The following CDH13 variants were observed in gnomAD, a reference collection of about 807,000 sequenced individuals.
CDH13 encodes the protein cadherin 13.
CDH13 carries 24 observed loss-of-function variants against 63.8 expected under a neutral mutation model. The ratio of observed to expected loss-of-function variants is 0.38; its 90% CI spans 0.27 to 0.53. The LOEUF (loss-of-function observed/expected upper bound fraction) is 0.53. Ranked by LOEUF, CDH13 falls within the 20% of genes least tolerant of loss-of-function variation. CDH13 has a pLI of 0.85. For synonymous variants in CDH13, 503 were observed against 355.3 expected, an observed-to-expected ratio of 1.42 and a Z score of -4.67; for missense variants, 1,049 against 903.1, an observed-to-expected ratio of 1.16 and a Z score of -2.07.
chr16:83,500,350 C>T lies in CDH13; in HGVS notation c.960+13695C>T, dbSNP rs866292148. ...TCCTCCTCCTCCTCCTCCTCCTCCT[C>T]CTCCTTCTTCCTTCTTCCTTCTTCT... On this transcript the variant is annotated intron_variant, in intron 7 of 13. Coordinates refer to ENST00000567109, the MANE Select transcript of CDH13 (RefSeq NM_001257.5). 1.2e-3 allele frequency among the ~76,000 whole-genome samples: 2 copies of T among 1,714 alleles called. 1 individual carries two copies. Among genetic ancestry groups the T allele is most frequent in the South Asian group, 1 (2 of 2 alleles). 1.1% of individuals were successfully genotyped at this position (1,714 alleles called of 152,430 possible). A position where few individuals can be genotyped will look rare whatever the true frequency, so the allele number is the denominator to read the frequency against.
chr16:83,248,674 A>G (rs576156123), intron 5 of CDH13, among the ~76,000 whole-genome samples: 1 of 152,002 alleles, frequency 6.6e-6, no homozygotes, highest in African/African-American at 2.4e-5. Context: ...CTTCTCTTTC[A>G]TGAACTTCTC....
At chr16:83,402,037 TC>T (rs1322746164) in intron 6 of CDH13, among the ~76,000 whole-genome samples, 1 of 151,230 alleles carries the variant, frequency 6.6e-6, no homozygotes, top group Non-Finnish European at 1.5e-5. Flanking sequence ...GATGTTGCTA[TC>T]TTTTTTCTTT....
chr16:82,897,339 C>T (rs1203044171), intron 2 of CDH13, among the ~76,000 whole-genome samples: 1 of 151,786 alleles, frequency 6.6e-6, no homozygotes, highest in African/African-American at 2.4e-5. Flanking sequence ...TTTCCATGGC[C>T]ACCACAGAGA....
intron 7 of CDH13, among the ~76,000 whole-genome samples, chr16:83,521,354 A>G (rs2074831741): frequency 6.6e-6 from 1 of 152,188 alleles, no homozygotes; most frequent in South Asian, 2.1e-4. Context: ...GGAAAAAAAA[A>G]AAGAATGGAA....
intron 8 of CDH13, among the ~76,000 whole-genome samples, chr16:83,603,311 A>C (rs1908023238): frequency 6.6e-6 from 1 of 152,354 alleles, no homozygotes; most frequent in East Asian, 1.9e-4. Context: ...CTTACTGACC[A>C]AGTGAAGAAT....
At chr16:83,533,443 G>T (rs2075123798) in intron 7 of CDH13, among the ~76,000 whole-genome samples, 1 of 151,978 alleles carries the variant, frequency 6.6e-6, no homozygotes, top group Non-Finnish European at 1.5e-5. Context: ...GTCCCTGCCT[G>T]AAGCCGACAG....
chr16:82,652,907 G>A, intron 1 of CDH13, among the ~76,000 whole-genome samples: 1 of 152,240 alleles, frequency 6.6e-6, no homozygotes, highest in South Asian at 2.1e-4. Flanking sequence ...AACTGACAGT[G>A]TATGTTCTTC....
intron 1 of CDH13, among the ~76,000 whole-genome samples, chr16:82,628,538 A>G (rs1907632463): frequency 6.6e-6 from 1 of 152,038 alleles, no homozygotes; most frequent in Non-Finnish European, 1.5e-5. Flanking sequence ...ACCAGGGGAG[A>G]TTCAAGTGCC....
At chr16:83,029,163 T>C (rs1408330503) in intron 2 of CDH13, among the ~76,000 whole-genome samples, 1 of 152,232 alleles carries the variant, frequency 6.6e-6, no homozygotes, top group Non-Finnish European at 1.5e-5. Context: ...TCCACTATTA[T>C]TATCAGTTAA....
intron 2 of CDH13, among the ~76,000 whole-genome samples, chr16:83,005,789 A>G (rs1054901698): frequency 6.6e-6 from 1 of 152,178 alleles, no homozygotes; most frequent in African/African-American, 2.4e-5. Context: ...AAAAATGTTT[A>G]TGGTGAGCTC....
chr16:82,932,917 G>A (rs941973928), intron 2 of CDH13, among the ~76,000 whole-genome samples: 1 of 152,208 alleles, frequency 6.6e-6, no homozygotes, highest in Non-Finnish European at 1.5e-5. Context: ...TACTAGTAGA[G>A]AAATTGGGAA....
At chr16:83,010,780 T>C (rs1485405536) in intron 2 of CDH13, among the ~76,000 whole-genome samples, 1 of 152,216 alleles carries the variant, frequency 6.6e-6, no homozygotes, top group Non-Finnish European at 1.5e-5. Context: ...AGAAACATCC[T>C]GCGGGGACAT....
rs184069626 is a variant in CDH13 at position 83,276,735 on chromosome 16, G to A, written c.636+59238G>A. 1.8e-3 allele frequency among the ~76,000 whole-genome samples: 277 copies of A among 152,258 alleles called. 10 individuals carry two copies. Among genetic ancestry groups the A allele is most frequent in the Admixed American group, 0.016 (243 of 15,284 alleles). On this transcript the variant is annotated intron_variant, in intron 5 of 13. Coordinates refer to ENST00000567109, the MANE Select transcript of CDH13 (RefSeq NM_001257.5). ...AATACAAAAAAATTACCTTGGCATG[G>A]TGACAGGCACCTGTAGCCACAGCTA...
intron 1 of CDH13, among the ~76,000 whole-genome samples, chr16:82,723,580 G>C (rs1274679962): frequency 6.6e-6 from 1 of 152,208 alleles, no homozygotes; most frequent in Non-Finnish European, 1.5e-5. Flanking sequence ...GTGGGGGACA[G>C]TGGAGCCACA....
intron 2 of CDH13, among the ~76,000 whole-genome samples, chr16:82,978,855 A>G (rs1177259128): frequency 2.0e-5 from 3 of 147,094 alleles, no homozygotes; most frequent in African/African-American, 7.7e-5. Context: ...ACCATCCTCC[A>G]TACCCCAAAA....
chr16:83,408,669 T>G (rs2092083217), intron 6 of CDH13, among the ~76,000 whole-genome samples: 1 of 152,266 alleles, frequency 6.6e-6, no homozygotes, highest in Non-Finnish European at 1.5e-5. Flanking sequence ...CAGCAATGAC[T>G]GTACTTAAGT....
At chr16:82,847,176 C>T (rs138725509) in intron 1 of CDH13, among the ~76,000 whole-genome samples, 1 of 152,308 alleles carries the variant, frequency 6.6e-6, no homozygotes, top group African/African-American at 2.4e-5. Flanking sequence ...TTCTGAGTGT[C>T]TATTGTGGGG....
At chr16:83,220,429 C>A (rs2039663290) in intron 5 of CDH13, among the ~76,000 whole-genome samples, 1 of 152,072 alleles carries the variant, frequency 6.6e-6, no homozygotes, top group African/African-American at 2.4e-5. Flanking sequence ...CGGTTGGGAG[C>A]AAATGTGGTT....
At chr16:82,961,071 C>T (rs1276665010) in intron 2 of CDH13, among the ~76,000 whole-genome samples, 1 of 152,144 alleles carries the variant, frequency 6.6e-6, no homozygotes, top group Non-Finnish European at 1.5e-5. Context: ...TGTCGATAGC[C>T]ACATGACTCT....
Sources: allele counts gnomAD v4.1 joint callset (sites outside exome capture counted in the v4.1 genomes callset), GRCh38; gene constraint gnomAD v4.1.1; transcripts MANE v1.5; gene names NCBI Gene and HGNC (gene_info 2026-07-23, HGNC 2026-07-21).